NELL1: variants seen among roughly 807,000 people sequenced by gnomAD.
NELL1 encodes protein kinase C-binding protein NELL1.
A neutral mutation model predicts 107.4 loss-of-function variants in NELL1; 76 were observed. The observed-to-expected ratio is 0.71, with a 90% CI of 0.59 to 0.86. The LOEUF (loss-of-function observed/expected upper bound fraction) is 0.86. Among genes scored for constraint, NELL1 ranks in the 40% least tolerant of loss-of-function variants. NELL1 has a pLI of 0.00. For synonymous variants in NELL1, 353 were observed against 341.2 expected (o/e 1.03, Z -0.38); for missense variants, 1,024 against 1,005.5 (o/e 1.02, Z -0.25).
At chr11:21,341,380 A>G (rs1850560753) in intron 14 of NELL1, among the ~76,000 whole-genome samples, 1 of 152,198 alleles carries the variant, frequency 6.6e-6, no homozygotes, top group African/African-American at 2.4e-5. Context: ...AAGAGTTCAT[A>G]TTTGGCGTAT....
intron 12 of NELL1, among the ~76,000 whole-genome samples, chr11:20,977,842 C>A (rs895170522): frequency 6.6e-6 from 1 of 152,082 alleles, no homozygotes; most frequent in African/African-American, 2.4e-5. Context: ...ATCAGTACAA[C>A]TTCTATGTTT....
chr11:20,722,122 G>T (rs1855405641), intron 2 of NELL1, among the ~76,000 whole-genome samples: 1 of 151,182 alleles, frequency 6.6e-6, no homozygotes. Flanking sequence ...CCAGGTTCAA[G>T]TGATCCTCCC....
Position 20,682,692 on chromosome 11 carries a change from T to C in NELL1, c.184+4632T>C, listed in dbSNP as rs527848030. ...TCATCACAATCAAGAAAAATGAACA[T>C]AGTTATCACCCAAAAAGTTTACCTT... On this transcript the variant is annotated intron_variant, in intron 2 of 19. Transcript: ENST00000357134. Among the ~76,000 whole-genome samples the C allele has an allele frequency of 3.3e-5, 5 of 152,122 alleles. No individual in the cohort carries two copies. In the East Asian group the frequency reaches 9.7e-4, roughly 29 times the overall value.
At chr11:21,028,332 G>T (rs1516768) in intron 12 of NELL1, among the ~76,000 whole-genome samples, 39,555 of 151,894 alleles carry the variant, frequency 0.26, 5,571 homozygotes, top group East Asian at 0.39. Flanking sequence ...GGGCTGGGTG[G>T]GAAGAGAATA....
At chr11:21,048,090 C>A (rs1425007065) in intron 12 of NELL1, among the ~76,000 whole-genome samples, 3 of 152,020 alleles carry the variant, frequency 2.0e-5, no homozygotes, top group Non-Finnish European at 4.4e-5. Flanking sequence ...CTCTTTTACC[C>A]ACCCTAGAGT....
At chr11:21,538,341 T>A (rs1255563716) in intron 16 of NELL1, among the ~76,000 whole-genome samples, 1 of 152,160 alleles carries the variant, frequency 6.6e-6, no homozygotes, top group Non-Finnish European at 1.5e-5. Context: ...ACAGCATGCT[T>A]GCAAGATTTC....
chr11:20,697,375 G>A (rs1024946047), intron 2 of NELL1, among the ~76,000 whole-genome samples: 32 of 147,976 alleles, frequency 2.2e-4, no homozygotes, highest in Non-Finnish European at 3.9e-4. Context: ...ATGCATGAGT[G>A]CAAATTCTTT....
At chr11:21,220,482 A>G (rs1385197131) in intron 13 of NELL1, among the ~76,000 whole-genome samples, 1 of 152,166 alleles carries the variant, frequency 6.6e-6, no homozygotes, top group African/African-American at 2.4e-5. Context: ...TTGTTTAACA[A>G]TATTAATTCT....
Position 20,695,652 on chromosome 11 carries a change from T to C in NELL1, c.184+17592T>C, listed in dbSNP as rs1253860055. 5.9e-5 allele frequency among the ~76,000 whole-genome samples: 9 copies of C among 152,328 alleles called. No individual in the cohort carries two copies. In the East Asian group the frequency reaches 1.5e-3, roughly 26 times the overall value. On this transcript the variant is annotated intron_variant, in intron 2 of 19. Coordinates refer to ENST00000357134, the MANE Select transcript of NELL1 (RefSeq NM_006157.5). Reference sequence around the variant, plus strand: ...TGATCATGATGAATTAACTTTTTGATGTGCTACTGGATTCTGTTTGCTCGT... The same window carrying C: ...TGATCATGATGAATTAACTTTTTGACGTGCTACTGGATTCTGTTTGCTCGT...
chr11:20,712,694 T>C (rs1448465750), intron 2 of NELL1, among the ~76,000 whole-genome samples: 1 of 152,224 alleles, frequency 6.6e-6, no homozygotes, highest in East Asian at 1.9e-4. Flanking sequence ...CTCTCCCACT[T>C]TCACTACGGA....
rs145400888 is a variant in NELL1 at position 21,369,707 on chromosome 11, T to G, written c.1550-1146T>G. On this transcript the variant is annotated intron_variant, in intron 14 of 19. Transcript: ENST00000357134. ...AACTACAATTAAAATTTAAAACATT[T>G]GCTCACCTATCTTTCTTGTGAATAA... 2.2e-3 allele frequency among the ~76,000 whole-genome samples: 339 copies of G among 152,176 alleles called. 1 individual carries two copies. The highest frequency in any genetic ancestry group is 3.2e-3 in the Non-Finnish European group (218 of 67,988).
intron 15 of NELL1, among the ~76,000 whole-genome samples, chr11:21,437,533 A>G (rs1853154443): frequency 6.6e-6 from 1 of 151,888 alleles, no homozygotes; most frequent in Admixed American, 6.6e-5. Flanking sequence ...CTAATTTTGT[A>G]TTTTTAGTAG....
intron 4 of NELL1, among the ~76,000 whole-genome samples, chr11:20,867,955 C>T (rs947796211): frequency 6.6e-6 from 1 of 152,090 alleles, no homozygotes; most frequent in Non-Finnish European, 1.5e-5. Flanking sequence ...CTCATATATA[C>T]TTAGGTAAAC....
intron 13 of NELL1, among the ~76,000 whole-genome samples, chr11:21,123,532 A>G (rs1180252703): frequency 6.6e-6 from 1 of 152,042 alleles, no homozygotes; most frequent in African/African-American, 2.4e-5. Flanking sequence ...ATATATGGAT[A>G]CACATATATA....
intron 12 of NELL1, among the ~76,000 whole-genome samples, chr11:20,984,659 G>A (rs1268473329): frequency 6.6e-6 from 1 of 151,568 alleles, no homozygotes; most frequent in Non-Finnish European, 1.5e-5. Context: ...GCATCTGCAT[G>A]ACTCCTACTG....
At chr11:21,284,670 C>T (rs532310808) in intron 14 of NELL1, 4 of 380,242 alleles carry the variant, frequency 1.1e-5, no homozygotes, top group South Asian at 7.7e-5. Flanking sequence ...AGGCCTTGTG[C>T]CTGGAGCCAA....
At chr11:21,314,746 G>T (rs1050674088) in intron 14 of NELL1, among the ~76,000 whole-genome samples, 2 of 152,174 alleles carry the variant, frequency 1.3e-5, no homozygotes, top group Non-Finnish European at 2.9e-5. Context: ...ATACTTAAGA[G>T]TAATGGGAAG....
chr11:20,884,458 T>C (rs577118535), intron 4 of NELL1, among the ~76,000 whole-genome samples: 3 of 152,254 alleles, frequency 2.0e-5, no homozygotes, highest in Non-Finnish European at 4.4e-5. Context: ...CGTTTACAGA[T>C]CACTGTGTTT....
At position 21,570,773 on chromosome 11, in the gene NELL1, A is replaced by T; in HGVS notation, c.1990A>T (p.Ile664Leu). ...CSVCSCKDGKIFCRRTACDCQ... is the reference protein window; with the variant it reads ...CSVCSCKDGKLFCRRTACDCQ... ...CTTCATTTCTAAACAGGATGGCAAG[A>T]TATTCTGCCGACGGACAGCTTGTGA... Residue 664 changes from isoleucine to leucine, a missense_variant, in exon 18 of 20, where the codon ATA becomes TTA. Transcript: ENST00000357134. 1 of 1,611,332 alleles carries T rather than the reference A, an allele frequency of 6.2e-7. No individual in the cohort carries two copies. Among genetic ancestry groups the T allele is most frequent in the Non-Finnish European group, 8.5e-7 (1 of 1,178,364 alleles).
Sources: gnomAD v4.1 joint callset for allele counts (sites outside exome capture counted in the v4.1 genomes callset) on GRCh38, gnomAD v4.1.1 for gene constraint, MANE v1.5 for transcripts, NCBI Gene and HGNC (gene_info 2026-07-23, HGNC 2026-07-21) for gene names.